The following HTR1E variants were observed in gnomAD, a reference collection of about 807,000 sequenced individuals.
HTR1E encodes the protein 5-HT-1E.
Under a neutral mutation model 3.4 loss-of-function variants are expected in HTR1E, and 3 were observed. The observed-to-expected ratio is 0.89, with a 90% CI of 0.41 to 2.31. The LOEUF is 2.31. Ranked by LOEUF, HTR1E falls within the 30% of genes most tolerant of loss-of-function variation. The pLI, the probability that HTR1E is intolerant of heterozygous loss-of-function variation, is 0.05. For missense variants in HTR1E, 392 were observed against 467.0 expected, an observed-to-expected ratio of 0.84 and a Z score of 1.48; for synonymous variants, 170 against 182.8, an observed-to-expected ratio of 0.93 and a Z score of 0.56.
At chr6:87,013,864 T>C (rs2127834218) in intron 1 of HTR1E, among the ~76,000 whole-genome samples, 1 of 152,216 alleles carries the variant, frequency 6.6e-6, no homozygotes, top group South Asian at 2.1e-4. Flanking sequence ...AAAGAAAACA[T>C]TTATGCAACC....
At chr6:86,946,335 C>A (rs1158951992) in intron 1 of HTR1E, among the ~76,000 whole-genome samples, 2 of 152,258 alleles carry the variant, frequency 1.3e-5, no homozygotes, top group East Asian at 1.9e-4. Context: ...TTTAGATACA[C>A]AAATACTATT....
At chr6:86,967,533 G>A (rs771695942) in intron 1 of HTR1E, among the ~76,000 whole-genome samples, 19 of 152,048 alleles carry the variant, frequency 1.2e-4, no homozygotes, top group Non-Finnish European at 2.1e-4. Flanking sequence ...TTTAACATTC[G>A]TTAAACACCC....
intron 1 of HTR1E, among the ~76,000 whole-genome samples, chr6:86,952,455 A>G (rs111803607): frequency 6.6e-6 from 1 of 151,896 alleles, no homozygotes; most frequent in Non-Finnish European, 1.5e-5. Flanking sequence ...CACCCCAAAA[A>G]AGTTGTCTTT....
intron 1 of HTR1E, among the ~76,000 whole-genome samples, chr6:87,010,475 T>C (rs1259107896): frequency 7.0e-6 from 1 of 142,960 alleles, no homozygotes; most frequent in East Asian, 2.1e-4. Flanking sequence ...AGACGGGGTC[T>C]CGGCCGGGCA....
chr6:87,015,253 G>A lies in HTR1E; in HGVS notation c.-82G>A, dbSNP rs919315178. 1.6e-6 allele frequency: 2 copies of A among 1,289,492 alleles called. No homozygotes were observed. Among genetic ancestry groups the A allele is most frequent in the African/African-American group, 1.5e-5 (1 of 67,308 alleles). The allele number at this position is 1,289,492 out of a possible 1,614,324, so 79.9% of individuals were successfully genotyped here. ...CAAATTATAGCCTCCTTACAAGTGA[G>A]AAACCTTCGAGGCTACATAGTTTTC... On this transcript the variant is annotated 5_prime_UTR_variant, in exon 2 of 2. Coordinates refer to ENST00000305344, the MANE Select transcript of HTR1E (RefSeq NM_000865.3).
chr6:86,959,004 G>A (rs890205748), intron 1 of HTR1E, among the ~76,000 whole-genome samples: 1 of 148,498 alleles, frequency 6.7e-6, no homozygotes, highest in African/African-American at 2.5e-5. Context: ...AGAGATTGAT[G>A]TTAAGAAATT....
At chr6:86,970,755 CA>C in intron 1 of HTR1E, 1 of 213,470 alleles carries the variant, frequency 4.7e-6, no homozygotes, top group Admixed American at 5.8e-5. Flanking sequence ...GGTGTGCACA[CA>C]AAGGTGTTCT....
intron 1 of HTR1E, among the ~76,000 whole-genome samples, chr6:86,951,589 T>G (rs945976356): frequency 1.3e-5 from 2 of 152,302 alleles, no homozygotes; most frequent in South Asian, 4.1e-4. Context: ...AAAGGAGCAT[T>G]TGTTGTCAAG....
chr6:86,982,486 G>C (rs906118842), intron 1 of HTR1E, among the ~76,000 whole-genome samples: 1 of 152,230 alleles, frequency 6.6e-6, no homozygotes, highest in Non-Finnish European at 1.5e-5. Context: ...ACAGAAGAAT[G>C]CCTGAGGAGG....
chr6:87,015,698 T>C lies in HTR1E; in HGVS notation c.364T>C (p.Trp122Arg), dbSNP rs753260615. 2.5e-6 allele frequency: 4 copies of C among 1,613,834 alleles called. No individual in the cohort carries two copies. In the African/African-American group the frequency reaches 5.3e-5, roughly 22 times the overall value. ...HLCVIALDRY[W>R]AITNAIEYAR... is the part of the protein sequence containing the mutation. ...CTGTGTCATTGCCCTGGACAGGTACTGGGCCATCACCAATGCTATTGAATA... is the reference window on the plus strand; with the variant it reads ...CTGTGTCATTGCCCTGGACAGGTACCGGGCCATCACCAATGCTATTGAATA... Residue 122 changes from tryptophan (W) to arginine (R), a missense_variant, in exon 2 of 2, where the codon TGG becomes CGG. Trp to Arg is a moderately radical substitution (Grantham distance 101). Coordinates refer to ENST00000305344, the MANE Select transcript of HTR1E (RefSeq NM_000865.3).
intron 1 of HTR1E, among the ~76,000 whole-genome samples, chr6:86,967,597 C>T (rs1006148735): frequency 2.6e-5 from 4 of 152,044 alleles, no homozygotes; most frequent in African/African-American, 4.8e-5. Context: ...CTTACTCTGA[C>T]GAGGACAGAT....
Position 86,973,337 on chromosome 6 carries a change from T to C in HTR1E, c.-186+35514T>C, listed in dbSNP as rs557649282. On this transcript the variant is annotated intron_variant, in intron 1 of 1. Transcript: ENST00000305344. Reference sequence around the variant, plus strand: ...GTGTGTGTGTGTGTGTGTGTCTGTGTGTGTGTCTGTGTGTGTAGCTGAGTG... The same window carrying C: ...GTGTGTGTGTGTGTGTGTGTCTGTGCGTGTGTCTGTGTGTGTAGCTGAGTG... 3.6e-3 allele frequency among the ~76,000 whole-genome samples: 551 copies of C among 151,822 alleles called. 4 individuals carry two copies. The highest frequency in any genetic ancestry group is 5.3e-3 in the Non-Finnish European group (363 of 67,936).
chr6:87,015,391 C>G lies in HTR1E; in HGVS notation c.57C>G (p.Ile19Met), dbSNP rs1367154053. 1.9e-6 allele frequency: 3 copies of G among 1,609,242 alleles called. No homozygotes were observed. The highest frequency in any genetic ancestry group is 2.5e-6 in the Non-Finnish European group (3 of 1,177,166). ...EASMAIRPKT[I>M]TEKMLICMTL... ...GCATGGCTATAAGACCCAAGACCAT[C>G]ACTGAGAAGATGCTCATTTGCATGA... The change falls in exon 2 of 2, where the codon ATC (isoleucine) becomes ATG (methionine). Residue 19 changes from isoleucine to methionine, a missense_variant. By Grantham distance (10) the Ile-to-Met change is conservative. Transcript: ENST00000305344.
At chr6:86,999,271 G>A (rs777399365) in intron 1 of HTR1E, among the ~76,000 whole-genome samples, 63 of 151,938 alleles carry the variant, frequency 4.1e-4, no homozygotes, top group African/African-American at 1.5e-3. Flanking sequence ...CAGTTTTGGG[G>A]TTTTTTTGTT....
chr6:86,962,194 G>A, intron 1 of HTR1E, among the ~76,000 whole-genome samples: 1 of 152,178 alleles, frequency 6.6e-6, no homozygotes, highest in South Asian at 2.1e-4. Flanking sequence ...ATAAAATGTG[G>A]TAGTATGATC....
At chr6:86,981,083 C>T (rs184478464) in intron 1 of HTR1E, among the ~76,000 whole-genome samples, 2 of 152,310 alleles carry the variant, frequency 1.3e-5, no homozygotes, top group African/African-American at 2.4e-5. Flanking sequence ...GGTCTTTTGG[C>T]AAGTCCCTCA....
At chr6:86,955,484 T>C (rs1767308028) in intron 1 of HTR1E, among the ~76,000 whole-genome samples, 1 of 152,210 alleles carries the variant, frequency 6.6e-6, no homozygotes, top group African/African-American at 2.4e-5. Flanking sequence ...CTTGGAAATG[T>C]AGGTGACCAC....
intron 1 of HTR1E, among the ~76,000 whole-genome samples, chr6:86,939,132 G>A (rs1768511289): frequency 6.6e-6 from 1 of 152,110 alleles, no homozygotes; most frequent in African/African-American, 2.4e-5. Flanking sequence ...AGATGACCCT[G>A]TCTTCAACAA....
chr6:86,938,557 G>T (rs1768503297), intron 1 of HTR1E, among the ~76,000 whole-genome samples: 2 of 152,166 alleles, frequency 1.3e-5, no homozygotes, highest in South Asian at 4.1e-4. Context: ...GCATCTATAT[G>T]TATATTTCTG....
Sources: gnomAD v4.1 joint callset for allele counts (sites outside exome capture counted in the v4.1 genomes callset) on GRCh38, gnomAD v4.1.1 for gene constraint, MANE v1.5 for transcripts, NCBI Gene and HGNC (gene_info 2026-07-23, HGNC 2026-07-21) for gene names.